NBEAL1: variants seen among roughly 807,000 people sequenced by gnomAD.
NBEAL1 encodes neurobeachin-like protein 1.
Under a neutral mutation model 351.3 loss-of-function variants are expected in NBEAL1, and 273 were observed. The observed-to-expected ratio is 0.78, with a 90% CI of 0.70 to 0.86. The LOEUF is 0.86. Ranked by LOEUF, NBEAL1 falls within the 40% of genes least tolerant of loss-of-function variation. The pLI, the probability that NBEAL1 is intolerant of heterozygous loss-of-function variation, is 0.00. For synonymous variants in NBEAL1, 1,050 were observed against 1,086.4 expected (o/e 0.97, Z 0.66); for missense variants, 2,961 against 3,201.3 (o/e 0.92, Z 1.81).
At chr2:203,177,128 G>T (rs964023683) in intron 42 of NBEAL1, among the ~76,000 whole-genome samples, 1 of 147,950 alleles carries the variant, frequency 6.8e-6, no homozygotes, top group Non-Finnish European at 1.5e-5. Context: ...TCCAGACTGG[G>T]TGACACAGCA....
intron 46 of NBEAL1, chr2:203,191,216 G>T: frequency 6.4e-7 from 1 of 1,555,560 alleles, no homozygotes; most frequent in Non-Finnish European, 8.8e-7. Flanking sequence ...GTTGATGGCC[G>T]CCATCCTCAT....
intron 31 of NBEAL1, among the ~76,000 whole-genome samples, chr2:203,140,824 C>T (rs1447323866): frequency 2.0e-5 from 3 of 151,982 alleles, no homozygotes; most frequent in South Asian, 2.1e-4. Flanking sequence ...ATTCACTTGA[C>T]GCCAGCAGTT....
intron 19 of NBEAL1, among the ~76,000 whole-genome samples, chr2:203,122,881 C>CT (rs2062859225): frequency 1.3e-5 from 2 of 152,026 alleles, no homozygotes; most frequent in South Asian, 4.1e-4. Flanking sequence ...AGGGTCACTG[C>CT]TTTTTTCTTT....
chr2:203,123,249 G>T (rs2062866522), intron 19 of NBEAL1, among the ~76,000 whole-genome samples: 1 of 151,314 alleles, frequency 6.6e-6, no homozygotes, highest in Admixed American at 6.6e-5. Context: ...CTATCAATTA[G>T]TGTTAATTTC....
In NBEAL1 at chr2:203,219,668, A is replaced by T. The variant is rs1575143831; in HGVS notation, c.*2314A>T. 6.6e-6 allele frequency: 1 copy of T among 152,132 alleles called. No individual in the cohort carries two copies. The highest frequency in any genetic ancestry group is 1.9e-4 in the East Asian group (1 of 5,186). The allele number at this position is 152,132 out of a possible 1,614,324, so 9.4% of individuals were successfully genotyped here. ...CAGGAGTTCAAGACCAGCCTGGCCA[A>T]CACAGTGAAACCCTTTCTCTACTAA... On this transcript the variant is annotated 3_prime_UTR_variant, in exon 56 of 56. Coordinates refer to ENST00000683969, the MANE Select transcript of NBEAL1 (RefSeq NM_001378026.1).
chr2:203,172,616 A>T, intron 40 of NBEAL1, 113 bp from the exon 41 acceptor site: 1 of 913,804 alleles, frequency 1.1e-6, no homozygotes, highest in Non-Finnish European at 1.6e-6. Context: ...ACAGGGAAAA[A>T]ATATTTTTAG....
chr2:203,176,742 A>AG (rs1459184139), intron 42 of NBEAL1, among the ~76,000 whole-genome samples: 1 of 151,914 alleles, frequency 6.6e-6, no homozygotes, highest in East Asian at 1.9e-4. Context: ...AAAAAAAAAA[A>AG]AATGCAATAA....
chr2:203,189,400 T>C (rs535794150), intron 45 of NBEAL1, among the ~76,000 whole-genome samples: 1 of 152,184 alleles, frequency 6.6e-6, no homozygotes, highest in Non-Finnish European at 1.5e-5. Context: ...TATTTTTTTA[T>C]CTTGTGACTG....
intron 4 of NBEAL1, among the ~76,000 whole-genome samples, chr2:203,053,397 T>C (rs891307954): frequency 3.3e-5 from 5 of 152,228 alleles, no homozygotes; most frequent in African/African-American, 9.6e-5. Flanking sequence ...TTTAGATCTT[T>C]TGCTCATTTT....
At chr2:203,026,883 T>G (rs911823894) in intron 2 of NBEAL1, among the ~76,000 whole-genome samples, 2 of 152,206 alleles carry the variant, frequency 1.3e-5, no homozygotes, top group Non-Finnish European at 1.5e-5. Context: ...GGTGTTCCAC[T>G]TAATTTTCAA....
intron 11 of NBEAL1, among the ~76,000 whole-genome samples, chr2:203,099,125 A>C (rs887773101): frequency 1.1e-4 from 16 of 152,004 alleles, no homozygotes; most frequent in African/African-American, 3.9e-4. Flanking sequence ...AAAATACAAA[A>C]ATTAGCTGGG....
At position 203,039,049 on chromosome 2, in the gene NBEAL1, T is replaced by A. The variant is rs984081889; in HGVS notation, c.52-2716T>A. The stretch of plus-strand genomic sequence containing the variant: ...TTTGATTAATACCAGTTATCTTTTT[T>A]TTCTTTTTCAGTTTATGATTTTTTT... On this transcript the variant is annotated intron_variant, in intron 2 of 55. Transcript: ENST00000683969. Among the ~76,000 whole-genome samples the A allele has an allele frequency of 2.0e-5, 3 of 148,608 alleles. No homozygotes were observed. In the East Asian group the frequency reaches 5.8e-4, roughly 29 times the overall value.
chr2:203,201,905 C>G (rs2065410339), intron 50 of NBEAL1, among the ~76,000 whole-genome samples, 190 bp downstream of exon 50: 1 of 151,204 alleles, frequency 6.6e-6, no homozygotes, highest in South Asian at 2.1e-4. Context: ...TAATAAAGCA[C>G]CACATAAATT....
intron 3 of NBEAL1, among the ~76,000 whole-genome samples, chr2:203,042,263 T>C (rs1048639078): frequency 6.6e-6 from 1 of 152,236 alleles, no homozygotes; most frequent in African/African-American, 2.4e-5. Context: ...TCAAGTTCAG[T>C]AACTCACTAC....
rs144481286 is a variant in NBEAL1, at chr2:203,085,176, C to T, written c.1098+607C>T. ...GCAGTGGTGCAATCTGCAGCCTCCACCTCCTGGGTTCAAGCAATTCTCCTG... is the reference window on the plus strand; with the variant it reads ...GCAGTGGTGCAATCTGCAGCCTCCATCTCCTGGGTTCAAGCAATTCTCCTG... On this transcript the variant is annotated intron_variant, in intron 10 of 55. Transcript: ENST00000683969. 1,028 of 152,548 alleles carry T rather than the reference C, an allele frequency of 6.7e-3. 7 individuals are homozygous for T. Among genetic ancestry groups the T allele is most frequent in the Non-Finnish European group, 0.01 (696 of 68,158 alleles). The allele number at this position is 152,548 out of a possible 1,614,324, so 9.4% of individuals were successfully genotyped here. A position where few individuals can be genotyped will look rare whatever the true frequency, so the allele number is the denominator to read the frequency against.
In NBEAL1 at chr2:203,202,758, ATG is replaced by A; in HGVS notation, c.7484_7485del (p.Met2495AsnfsTer17). ...TTCTGGTTCCAGAGATACTACATGT[ATG>A]ATATGGCAAATAACACAACAGGTAG... ...LISGSRDTTCMIWQITQQGGV... is the reference protein window; with the variant it reads ...LISGSRDTTCXIWQITQQGGV... On this transcript the variant is annotated frameshift_variant, in exon 51 of 56. Coordinates refer to ENST00000683969, the MANE Select transcript of NBEAL1 (RefSeq NM_001378026.1). LOFTEE classifies it high-confidence loss of function. 6.3e-7 allele frequency: 1 copy of A among 1,590,084 alleles called. No homozygotes were observed.
Position 203,199,344 on chromosome 2 carries a change from A to T in NBEAL1, c.7135A>T (p.Ile2379Leu), listed in dbSNP as rs1559059109. ...SQGSPELLIT[I>L]SMNYVIGTHG... is the part of the protein sequence containing the mutation. Reference sequence around the variant, plus strand: ...TTCATATGTTCTTTTCCAGATAACAATAAGCATGAATTATGTTATTGGAAC... The same window carrying T: ...TTCATATGTTCTTTTCCAGATAACATTAAGCATGAATTATGTTATTGGAAC... Residue 2379 changes from isoleucine to leucine, a missense_variant, in exon 49 of 56, where the codon ATA (isoleucine) becomes TTA (leucine). Physicochemically the swap from Ile to Leu is conservative, Grantham distance 5. Coordinates refer to ENST00000683969, the MANE Select transcript of NBEAL1 (RefSeq NM_001378026.1). 6.4e-7 allele frequency: 1 copy of T among 1,566,684 alleles called. No homozygotes were observed. Among genetic ancestry groups the T allele is most frequent in the East Asian group, 2.2e-5 (1 of 44,578 alleles).
At chr2:203,191,319 G>GAAAAAAA in intron 46 of NBEAL1, 1 of 391,076 alleles carries the variant, frequency 2.6e-6, no homozygotes, top group East Asian at 3.8e-5. Context: ...TTTGACAACT[G>GAAAAAAA]AAAAAAAAAA....
At chr2:203,120,365 C>T (rs979914313) in intron 18 of NBEAL1, among the ~76,000 whole-genome samples, 5 of 152,118 alleles carry the variant, frequency 3.3e-5, no homozygotes, top group Non-Finnish European at 2.9e-5. Flanking sequence ...ATATCCTTAA[C>T]TAATATACAA....
Sources: allele counts gnomAD v4.1 joint callset (sites outside exome capture counted in the v4.1 genomes callset), GRCh38; gene constraint gnomAD v4.1.1; transcripts MANE v1.5; gene names NCBI Gene and HGNC (gene_info 2026-07-23, HGNC 2026-07-21).